The following DACH2 variants were observed in gnomAD, a reference collection of about 807,000 sequenced individuals.
The protein encoded by DACH2 is dachshund family transcription factor 2.
A neutral mutation model predicts 35.8 loss-of-function variants in DACH2; 17 were observed. That is an observed-to-expected ratio of 0.48 (90% CI 0.33 to 0.71). The LOEUF is 0.71. Among genes scored for constraint, DACH2 ranks in the 30% least tolerant of loss-of-function variants. The probability of loss-of-function intolerance (pLI) is 0.02; values close to 1 mark genes in which losing one functional copy is unlikely to be tolerated. For missense variants in DACH2, 469 were observed against 472.7 expected (o/e 0.99, Z 0.07); for synonymous variants, 195 against 177.3 (o/e 1.10, Z -0.79).
chrX:86,238,725 C>G lies in DACH2; in HGVS notation c.488+89617C>G, dbSNP rs992827896. ...TTGCATCATATAATGAATGTGTGTC[C>G]CTACCAGTACATAATGAAAGAACAT... On this transcript the variant is annotated intron_variant, in intron 1 of 11. Coordinates refer to ENST00000373125, the MANE Select transcript of DACH2 (RefSeq NM_053281.3). Among the ~76,000 whole-genome samples the G allele has an allele frequency of 5.5e-5, 6 of 109,884 alleles. No homozygotes were observed. In the Admixed American group the frequency reaches 5.9e-4, roughly 11 times the overall value.
At chrX:86,510,396 T>A (rs1268999791) in intron 2 of DACH2, among the ~76,000 whole-genome samples, 1 of 112,233 alleles carries the variant, frequency 8.9e-6, no homozygotes, top group Non-Finnish European at 1.9e-5. Context: ...TTGCCAACTC[T>A]ACAAAGTTTG....
intron 1 of DACH2, among the ~76,000 whole-genome samples, chrX:86,168,792 G>A (rs5967686): frequency 0.038 from 4,101 of 108,448 alleles, 203 homozygotes; most frequent in African/African-American, 0.13. Flanking sequence ...ACCCTATGCC[G>A]TAACTTTGTC....
At chrX:86,364,218 G>A (rs1021668859) in intron 1 of DACH2, among the ~76,000 whole-genome samples, 7 of 111,483 alleles carry the variant, frequency 6.3e-5, no homozygotes, top group Non-Finnish European at 1.3e-4. Context: ...TGCTATTTGT[G>A]AGAATGGCAA....
intron 1 of DACH2, chrX:86,305,065 G>T (rs2034655631): frequency 6.5e-6 from 1 of 152,738 alleles, no homozygotes. Flanking sequence ...CCCAAGTATT[G>T]GCTGGTCATC....
chrX:86,287,282 T>A (rs2034171895), intron 1 of DACH2, among the ~76,000 whole-genome samples: 2 of 112,215 alleles, frequency 1.8e-5, no homozygotes, highest in African/African-American at 6.5e-5. Context: ...GTATGTTATT[T>A]GTTTCTTTTC....
chrX:86,689,325 C>T lies in DACH2; in HGVS notation c.773-5696C>T, dbSNP rs772351438. 2.7e-5 allele frequency among the ~76,000 whole-genome samples: 3 copies of T among 111,219 alleles called. No homozygotes were observed. The South Asian group carries it at 1.1e-3, about 42-fold the overall frequency. On this transcript the variant is annotated intron_variant, in intron 4 of 11. Coordinates refer to ENST00000373125, the MANE Select transcript of DACH2 (RefSeq NM_053281.3). ...AAGGTTGTAGAGTATAGCACCTTTACACATACATGCCTCGTTTTCCATTCA... is the reference window on the plus strand; with the variant it reads ...AAGGTTGTAGAGTATAGCACCTTTATACATACATGCCTCGTTTTCCATTCA...
intron 1 of DACH2, among the ~76,000 whole-genome samples, chrX:86,356,060 C>CT (rs759043458): frequency 1.2e-3 from 138 of 111,109 alleles, no homozygotes; most frequent in Non-Finnish European, 1.7e-3. Context: ...TCAATATTTC[C>CT]TTTTTTTGCA....
chrX:86,812,740 ATGTC>A (rs1205662358), intron 7 of DACH2, 112 bp from the exon 8 acceptor site: 7 of 420,313 alleles, frequency 1.7e-5, no homozygotes, highest in Non-Finnish European at 2.7e-5. Flanking sequence ...AATTATGAGA[ATGTC>A]AGTCATTTAG....
At chrX:86,604,952 G>C (rs2039838191) in intron 3 of DACH2, among the ~76,000 whole-genome samples, 1 of 111,658 alleles carries the variant, frequency 9.0e-6, no homozygotes, top group South Asian at 3.7e-4. Context: ...CTCACAACCA[G>C]ACAAAAGGAT....
intron 1 of DACH2, among the ~76,000 whole-genome samples, chrX:86,205,466 C>T (rs868764266): frequency 2.5e-4 from 11 of 43,484 alleles, no homozygotes; most frequent in African/African-American, 1.7e-3. Context: ...CCCTCCCTCC[C>T]TCCTTCCCTC....
chrX:86,317,845 G>A (rs2034942428), intron 1 of DACH2, among the ~76,000 whole-genome samples: 1 of 111,212 alleles, frequency 9.0e-6, no homozygotes, highest in Admixed American at 9.6e-5. Context: ...AGGCCTGTTA[G>A]TGACATTGTT....
intron 4 of DACH2, among the ~76,000 whole-genome samples, chrX:86,679,616 C>CTCTGTGTGTGTGTG (rs1391639741): frequency 1.0e-4 from 10 of 96,284 alleles, no homozygotes; most frequent in African/African-American, 3.4e-4. Context: ...CTCTCTGTCT[C>CTCTGTGTGTGTGTG]TGTGTGTGTG....
intron 2 of DACH2, among the ~76,000 whole-genome samples, chrX:86,427,935 G>A (rs1479217032): frequency 1.8e-5 from 2 of 111,898 alleles, no homozygotes; most frequent in African/African-American, 3.2e-5. Context: ...GGTAGTGTAA[G>A]TAGTTCTTTA....
intron 2 of DACH2, among the ~76,000 whole-genome samples, chrX:86,377,693 G>C (rs890331536): frequency 2.3e-4 from 25 of 110,109 alleles, no homozygotes; most frequent in African/African-American, 8.2e-4. Flanking sequence ...CCTTTCTTTA[G>C]GGCTGCCCTT....
At position 86,640,492 on chromosome X, in the gene DACH2, T is replaced by A. The variant is rs149007476; in HGVS notation, c.641-10544T>A. Among the ~76,000 whole-genome samples, 15 of 111,141 alleles carry A rather than the reference T, an allele frequency of 1.3e-4. No individual in the cohort carries two copies. The East Asian group carries it at 4.3e-3, about 32-fold the overall frequency. On this transcript the variant is annotated intron_variant, in intron 3 of 11. Transcript: ENST00000373125. ...CTCTTGGGCTGACTGGATGGAGTGA[T>A]TGCTTACACCTGCATCTCTCTCTGC... is the stretch of plus-strand genomic sequence containing the variant.
chrX:86,472,936 A>G (rs1013837798), intron 2 of DACH2, among the ~76,000 whole-genome samples: 1 of 111,690 alleles, frequency 9.0e-6, no homozygotes, highest in East Asian at 2.8e-4. Flanking sequence ...TCAGAGTTAA[A>G]TTATAGCCAA....
intron 2 of DACH2, among the ~76,000 whole-genome samples, chrX:86,478,657 C>T (rs1482760890): frequency 3.7e-5 from 4 of 107,933 alleles, no homozygotes; most frequent in Non-Finnish European, 7.7e-5. Context: ...TTCCCTTATC[C>T]CCCTCACAGG....
intron 10 of DACH2, 85 bp downstream of exon 10, chrX:86,814,919 G>A (rs1433223806): frequency 2.0e-6 from 2 of 1,003,458 alleles, no homozygotes; most frequent in Non-Finnish European, 2.7e-6. Context: ...AAAAAGAGAG[G>A]AAGGCAGAAA....
At chrX:86,590,708 C>A (rs1264879556) in intron 3 of DACH2, among the ~76,000 whole-genome samples, 1 of 111,660 alleles carries the variant, frequency 9.0e-6, no homozygotes, top group African/African-American at 3.2e-5. Context: ...CTGGTTGCTG[C>A]ACAAACTTGC....
Sources: gnomAD v4.1 joint callset for allele counts (sites outside exome capture counted in the v4.1 genomes callset) on GRCh38, gnomAD v4.1.1 for gene constraint, MANE v1.5 for transcripts, NCBI Gene and HGNC (gene_info 2026-07-23, HGNC 2026-07-21) for gene names.